Variants in PARD3B observed in about 807,000 individuals in gnomAD.
The protein encoded by PARD3B is partitioning defective 3 homolog B.
In PARD3B, 103 loss-of-function variants were observed where a neutral mutation model predicts 130.2. That is an observed-to-expected ratio of 0.79 (90% confidence interval 0.67 to 0.93). The LOEUF is 0.93. Ranked by LOEUF, PARD3B falls within the 40% of genes least tolerant of loss-of-function variation. PARD3B has a pLI of 0.00. For synonymous variants in PARD3B, 583 were observed against 553.2 expected, an observed-to-expected ratio of 1.05 and a Z score of -0.76; for missense variants, 1,609 against 1,499.2, an observed-to-expected ratio of 1.07 and a Z score of -1.21.
At chr2:204,569,913 TACAAAATCAAACCTTTCTCTGAAC>T (rs1188028373) in intron 1 of PARD3B, among the ~76,000 whole-genome samples, 2 of 152,280 alleles carry the variant, frequency 1.3e-5, no homozygotes, top group Admixed American at 6.5e-5. Flanking sequence ...ATCAAGATGA[TACAAAATCAAACCTTTCTCTGAAC>T]GTTTGCCATC....
intron 2 of PARD3B, among the ~76,000 whole-genome samples, chr2:204,781,131 A>G (rs986839519): frequency 6.6e-6 from 1 of 152,136 alleles, no homozygotes; most frequent in African/African-American, 2.4e-5. Context: ...CCATGTTACA[A>G]CATGTGAACA....
At chr2:205,495,506 A>G (rs937479098) in intron 20 of PARD3B, among the ~76,000 whole-genome samples, 4 of 152,164 alleles carry the variant, frequency 2.6e-5, no homozygotes, top group African/African-American at 7.2e-5. Flanking sequence ...CTAGTTTTAT[A>G]TGGTTTCAAT....
At chr2:205,101,132 A>G (rs1702756486) in intron 4 of PARD3B, among the ~76,000 whole-genome samples, 1 of 152,192 alleles carries the variant, frequency 6.6e-6, no homozygotes, top group Non-Finnish European at 1.5e-5. Context: ...AACTCTCTAC[A>G]GGTCAATAAT....
chr2:205,391,171 C>G (rs115078544), intron 18 of PARD3B, among the ~76,000 whole-genome samples: 2 of 152,088 alleles, frequency 1.3e-5, no homozygotes, highest in Non-Finnish European at 2.9e-5. Context: ...GGTTTGGTCT[C>G]AAAACACTCT....
At chr2:205,444,827 C>T (rs934382636) in intron 20 of PARD3B, among the ~76,000 whole-genome samples, 1 of 152,186 alleles carries the variant, frequency 6.6e-6, no homozygotes, top group Non-Finnish European at 1.5e-5. Flanking sequence ...ATATCACAGA[C>T]ATGAGGCTTT....
chr2:205,083,403 A>G (rs1701552678), intron 4 of PARD3B, among the ~76,000 whole-genome samples: 2 of 152,170 alleles, frequency 1.3e-5, no homozygotes, highest in South Asian at 2.1e-4. Flanking sequence ...CTAAGTAAGA[A>G]TGGTATGAAA....
intron 20 of PARD3B, among the ~76,000 whole-genome samples, chr2:205,448,798 ACTTAT>A (rs764770712): frequency 1.9e-3 from 296 of 152,274 alleles, no homozygotes; most frequent in Non-Finnish European, 3.3e-3. Context: ...GTTCATCTGA[ACTTAT>A]CTTAGTGATA....
At position 205,568,143 on chromosome 2, in the gene PARD3B, G is replaced by A. The variant is rs1324084600; in HGVS notation, c.3260+14740G>A. Among the ~76,000 whole-genome samples, 1 of 152,206 alleles carries A rather than the reference G, an allele frequency of 6.6e-6. No homozygotes were observed. Among genetic ancestry groups the A allele is most frequent in the African/African-American group, 2.4e-5 (1 of 41,456 alleles). ...ACAGAAGTGCTGCAGTGATGGGGGT[G>A]TGGGGGCAGTCTGCTGCCACAACTA... On this transcript the variant is annotated intron_variant, in intron 22 of 22. Transcript: ENST00000406610. This position sits in a 1 kb window ranked among gnomAD's most constrained non-coding sequence, Gnocchi z 5.3.
Position 205,564,356 on chromosome 2 carries a change from A to C in PARD3B, c.3260+10953A>C, listed in dbSNP as rs891798675. On this transcript the variant is annotated intron_variant, in intron 22 of 22. Transcript: ENST00000406610. This position sits in a 1 kb window ranked among gnomAD's most constrained non-coding sequence, Gnocchi z 4.6. Reference sequence around the variant, plus strand: ...CCCTTATAGGCTTTCAGAATGACTAAGAACAGCAACCACTGAATCACAGAA... The same window carrying C: ...CCCTTATAGGCTTTCAGAATGACTACGAACAGCAACCACTGAATCACAGAA... Among the ~76,000 whole-genome samples the C allele has an allele frequency of 6.6e-6, 1 of 152,270 alleles. No homozygotes were observed. Among genetic ancestry groups the C allele is most frequent in the Non-Finnish European group, 1.5e-5 (1 of 68,052 alleles).
intron 19 of PARD3B, among the ~76,000 whole-genome samples, chr2:205,439,126 A>T (rs2047622474): frequency 6.6e-6 from 1 of 152,202 alleles, no homozygotes; most frequent in Non-Finnish European, 1.5e-5. Flanking sequence ...AAATAAAACT[A>T]GCTTCCATGT....
intron 18 of PARD3B, among the ~76,000 whole-genome samples, chr2:205,326,141 T>C (rs2042932216): frequency 6.6e-6 from 1 of 152,208 alleles, no homozygotes; most frequent in Admixed American, 6.5e-5. Flanking sequence ...GTAACAAAAT[T>C]GATTTGGCCT....
chr2:204,726,241 A>G (rs748021305), intron 2 of PARD3B, among the ~76,000 whole-genome samples: 3 of 152,186 alleles, frequency 2.0e-5, no homozygotes, highest in African/African-American at 4.8e-5. Context: ...ATGCAATTTT[A>G]ATGAGAATTT....
intron 1 of PARD3B, among the ~76,000 whole-genome samples, chr2:204,553,080 A>G (rs1414488731): frequency 2.0e-5 from 3 of 152,104 alleles, no homozygotes; most frequent in East Asian, 1.9e-4. Context: ...AAACAATCCC[A>G]TCAAAAAGAG....
Position 204,960,576 on chromosome 2 carries a change from GTTTA to G in PARD3B, c.223-4573_223-4570del, listed in dbSNP as rs540359875. ...TAATTTTTTAAAAAAATATTTGAATGTTTATTCTAAAAACATGTGAAAAATCTAG... is the reference window on the plus strand; with the variant it reads ...TAATTTTTTAAAAAAATATTTGAATGTTCTAAAAACATGTGAAAAATCTAG... On this transcript the variant is annotated intron_variant, in intron 2 of 22. Transcript: ENST00000406610. Among the ~76,000 whole-genome samples, 5 of 152,206 alleles carry G rather than the reference GTTTA, an allele frequency of 3.3e-5. No homozygotes were observed. The South Asian group carries it at 1.0e-3, about 32-fold the overall frequency.
At chr2:205,023,626 T>C (rs903362460) in intron 3 of PARD3B, among the ~76,000 whole-genome samples, 6 of 139,878 alleles carry the variant, frequency 4.3e-5, no homozygotes, top group African/African-American at 1.3e-4. Flanking sequence ...ATTACAGAGC[T>C]CCGGCTGTAG....
chr2:205,141,676 C>T (rs2032966219), intron 10 of PARD3B, among the ~76,000 whole-genome samples: 1 of 152,132 alleles, frequency 6.6e-6, no homozygotes, highest in African/African-American at 2.4e-5. Context: ...TTATGCTTAG[C>T]ACTATTATGG....
At chr2:205,524,006 G>GT (rs1218197697) in intron 21 of PARD3B, among the ~76,000 whole-genome samples, 6 of 151,500 alleles carry the variant, frequency 4.0e-5, no homozygotes, top group Non-Finnish European at 8.8e-5. Flanking sequence ...GCTTCCCAAG[G>GT]TTTTTTTCCT....
At chr2:205,196,071 G>A (rs1437598049) in intron 15 of PARD3B, among the ~76,000 whole-genome samples, 1 of 152,032 alleles carries the variant, frequency 6.6e-6, no homozygotes, top group Non-Finnish European at 1.5e-5. Flanking sequence ...TATTTTCAAA[G>A]ACAGACAATT....
At chr2:204,676,663 A>ATTTTTTTTTTTTTTTTTTT (rs1559050583) in intron 1 of PARD3B, among the ~76,000 whole-genome samples, 1 of 118,720 alleles carries the variant, frequency 8.4e-6, no homozygotes. Flanking sequence ...CTACTCTATG[A>ATTTTTTTTTTTTTTTTTTT]TTGTTTTTTT....
Sources: allele counts gnomAD v4.1 joint callset (sites outside exome capture counted in the v4.1 genomes callset), GRCh38; gene constraint gnomAD v4.1.1; non-coding constraint Gnocchi (gnomAD v3.1); transcripts MANE v1.5; gene names NCBI Gene and HGNC (gene_info 2026-07-23, HGNC 2026-07-21).